The following DAB1 variants were observed in gnomAD, a reference collection of about 807,000 sequenced individuals.
DAB1 encodes DAB adaptor protein 1.
DAB1 carries 15 observed loss-of-function variants against 64.6 expected under a neutral mutation model. That is an observed-to-expected ratio of 0.23 (90% confidence interval 0.16 to 0.36). DAB1 has a LOEUF of 0.36. Ranked by LOEUF, DAB1 falls within the 10% of genes least tolerant of loss-of-function variation. DAB1 has a pLI of 1.00. For missense variants in DAB1, 596 were observed against 706.7 expected, an observed-to-expected ratio of 0.84 and a Z score of 1.78; for synonymous variants, 235 against 251.9, an observed-to-expected ratio of 0.93 and a Z score of 0.64.
rs75876582 is a variant in DAB1, at chr1:57,975,722, A to C, written n.388-91560T>G. 1.9e-3 allele frequency among the ~76,000 whole-genome samples: 295 copies of C among 152,306 alleles called. 2 individuals are homozygous for C. Among genetic ancestry groups the C allele is most frequent in the African/African-American group, 6.9e-3 (285 of 41,558 alleles). ...AATCTCTAAGGGTGGGATCCGATGA[A>C]ATGTATTATAAAACTTTCTAGATGA... On this transcript the variant is annotated intron_variant and non_coding_transcript_variant, in intron 5 of 20. Coordinates refer to the DAB1 transcript ENST00000485760.
chr1:57,263,557 C>T (rs939335700), intron 2 of DAB1, among the ~76,000 whole-genome samples: 7 of 152,060 alleles, frequency 4.6e-5, no homozygotes, highest in Admixed American at 1.3e-4. Context: ...TGTGGGAACA[C>T]GGTATTAGGA....
At chr1:58,017,485 G>A (rs924202830) in intron 5 of DAB1, among the ~76,000 whole-genome samples, 1 of 152,152 alleles carries the variant, frequency 6.6e-6, no homozygotes, top group African/African-American at 2.4e-5. Context: ...GAGCTGAAAT[G>A]CTCCAGCTGC....
intron 5 of DAB1, among the ~76,000 whole-genome samples, chr1:57,903,010 G>C (rs1367253620): frequency 1.3e-5 from 2 of 152,110 alleles, no homozygotes; most frequent in African/African-American, 4.8e-5. Context: ...AGAAGCAAAG[G>C]CCCATCTTCC....
chr1:58,076,064 A>T (rs532996646), intron 5 of DAB1, among the ~76,000 whole-genome samples: 2 of 152,232 alleles, frequency 1.3e-5, no homozygotes, highest in East Asian at 3.9e-4. Flanking sequence ...CCAATCAAAT[A>T]CGGCCAAGGG....
At chr1:58,458,126 G>A (rs1645208878) in intron 3 of DAB1, among the ~76,000 whole-genome samples, 1 of 152,154 alleles carries the variant, frequency 6.6e-6, no homozygotes, top group Non-Finnish European at 1.5e-5. Context: ...GATTCAGGTG[G>A]CTTCTTAAAT....
chr1:57,683,967 T>C (rs1222526827), intron 6 of DAB1, among the ~76,000 whole-genome samples: 5 of 152,110 alleles, frequency 3.3e-5, no homozygotes, highest in African/African-American at 4.8e-5. Flanking sequence ...AATTTTATAA[T>C]ACAATTGGAA....
intron 9 of DAB1, among the ~76,000 whole-genome samples, chr1:57,029,120 G>A (rs1370323096): frequency 6.6e-6 from 1 of 152,176 alleles, no homozygotes; most frequent in Admixed American, 6.5e-5. Context: ...CAGGGTTCCT[G>A]TGCTGTATAC....
intron 7 of DAB1, among the ~76,000 whole-genome samples, chr1:57,431,722 T>C (rs751775250): frequency 6.6e-6 from 1 of 152,206 alleles, no homozygotes; most frequent in Non-Finnish European, 1.5e-5. Flanking sequence ...GCTAAAGTGA[T>C]TGTCAAAGGA....
At position 57,996,695 on chromosome 1, in the gene DAB1, A is replaced by G. The variant is rs146340993; in HGVS notation, n.388-112533T>C. Reference sequence around the variant, plus strand: ...ATTGCATCCCCCCTTCTAGCTCTGCATAGATGTCAGACAATCATGTAACTC... The same window carrying G: ...ATTGCATCCCCCCTTCTAGCTCTGCGTAGATGTCAGACAATCATGTAACTC... On this transcript the variant is annotated intron_variant and non_coding_transcript_variant, in intron 5 of 20. Coordinates refer to the DAB1 transcript ENST00000485760. Among the ~76,000 whole-genome samples the G allele has an allele frequency of 8.2e-3, 1,249 of 152,342 alleles. 10 individuals carry two copies. Among genetic ancestry groups the G allele is most frequent in the Middle Eastern group, 0.041 (12 of 294 alleles).
intron 5 of DAB1, among the ~76,000 whole-genome samples, chr1:57,961,963 ACT>A (rs1397115870): frequency 7.2e-6 from 1 of 139,186 alleles, no homozygotes; most frequent in Admixed American, 7.9e-5. Context: ...CAAGAGTGAA[ACT>A]CTGTCTCAAA....
chr1:57,193,611 C>A (rs1664361841), intron 2 of DAB1, among the ~76,000 whole-genome samples: 1 of 152,112 alleles, frequency 6.6e-6, no homozygotes, highest in Non-Finnish European at 1.5e-5. Context: ...TGGTCTCGAT[C>A]TCCTGACCTC....
At chr1:58,249,586 AAGAAATGAAG>A (rs1268345921) in intron 4 of DAB1, among the ~76,000 whole-genome samples, 2 of 152,160 alleles carry the variant, frequency 1.3e-5, no homozygotes, top group African/African-American at 4.8e-5. Context: ...GTGGACAGAA[AAGAAATGAAG>A]AGAACGCGGA....
At chr1:57,695,294 GAGAAGGAAAGAA>G (rs1322030705) in intron 6 of DAB1, among the ~76,000 whole-genome samples, 565 of 52,120 alleles carry the variant, frequency 0.011, 59 homozygotes, top group Middle Eastern at 0.029. Context: ...GAAAGGGAGA[GAGAAGGAAAGAA>G]AGAAAGAAAG....
chr1:57,629,137 C>T (rs1645957394), intron 7 of DAB1, among the ~76,000 whole-genome samples: 1 of 152,128 alleles, frequency 6.6e-6, no homozygotes, highest in South Asian at 2.1e-4. Context: ...GAAACTCATA[C>T]AATTCTTATG....
At chr1:57,561,153 A>G (rs754263884) in intron 7 of DAB1, among the ~76,000 whole-genome samples, 6 of 152,198 alleles carry the variant, frequency 3.9e-5, no homozygotes, top group Non-Finnish European at 5.9e-5. Flanking sequence ...CCCAGCCTGC[A>G]CCGATGAACT....
intron 3 of DAB1, among the ~76,000 whole-genome samples, chr1:58,385,815 A>G (rs79282270): frequency 6.6e-6 from 1 of 152,206 alleles, no homozygotes; most frequent in Non-Finnish European, 1.5e-5. Context: ...TCAAATGGAG[A>G]TCAAGGTACC....
At chr1:58,523,374 A>C (rs1646297093) in intron 2 of DAB1, among the ~76,000 whole-genome samples, 1 of 152,174 alleles carries the variant, frequency 6.6e-6, no homozygotes, top group South Asian at 2.1e-4. Context: ...TGGAATCTTC[A>C]GTGGTGTAAA....
intron 5 of DAB1, among the ~76,000 whole-genome samples, chr1:58,127,267 G>GT (rs1557662012): frequency 6.6e-6 from 1 of 152,210 alleles, no homozygotes; most frequent in African/African-American, 2.4e-5. Flanking sequence ...CTTTTGAGAA[G>GT]TGTCTGTTCA....
In DAB1 at chr1:57,022,055, G is replaced by A. The variant is rs370248485; in HGVS notation, c.895+1476C>T. ...ATTACTTATTTTTATGTTATTTCCT[G>A]TCTTCCCAGTAAAAGGTAGGCTCTC... On this transcript the variant is annotated intron_variant, in intron 11 of 14. Transcript: ENST00000371236. 7.2e-4 allele frequency among the ~76,000 whole-genome samples: 110 copies of A among 152,174 alleles called. 1 individual carries two copies. The highest frequency in any genetic ancestry group is 2.6e-3 in the African/African-American group (109 of 41,508).
Sources: allele counts gnomAD v4.1 joint callset (sites outside exome capture counted in the v4.1 genomes callset), GRCh38; gene constraint gnomAD v4.1.1; transcripts MANE v1.5; gene names NCBI Gene and HGNC (gene_info 2026-07-23, HGNC 2026-07-21).